MRPL4: variants seen among roughly 807,000 people sequenced by gnomAD.
MRPL4 encodes mitochondrial ribosomal protein L4, also known as large ribosomal subunit protein uL4m.
Under a neutral mutation model 34.1 loss-of-function variants are expected in MRPL4, and 34 were observed. The observed-to-expected ratio is 1.00, with a 90% CI of 0.76 to 1.33. The LOEUF (loss-of-function observed/expected upper bound fraction) is 1.33. MRPL4 is among the 40% of genes most tolerant of loss of function. MRPL4 has a pLI of 0.00. For synonymous variants in MRPL4, 196 were observed against 188.3 expected, an observed-to-expected ratio of 1.04 and a Z score of -0.33; for missense variants, 402 against 434.6, an observed-to-expected ratio of 0.92 and a Z score of 0.67.
chr19:10,259,356 G>C lies in MRPL4; in HGVS notation c.740-261G>C, dbSNP rs1248024658. ...CCCTGGGTCTCCCCCACCAGAATGG[G>C]AGCCAGGAGTCCCAGCCAGGCACAG... On this transcript the variant is annotated intron_variant, in intron 8 of 8. Transcript: ENST00000253099. The C allele has an allele frequency of 6.5e-6, 9 of 1,384,230 alleles. No homozygotes were observed. The East Asian group carries it at 2.6e-4, about 40-fold the overall frequency. The allele number at this position is 1,384,230 out of a possible 1,614,324, so 85.7% of individuals were successfully genotyped here.
chr19:10,259,967 G>C lies in MRPL4; in HGVS notation c.*154G>C. 1 of 587,684 alleles carries C rather than the reference G, an allele frequency of 1.7e-6. No individual in the cohort carries two copies. Among genetic ancestry groups the C allele is most frequent in the Non-Finnish European group, 2.8e-6 (1 of 354,718 alleles). The allele number at this position is 587,684 out of a possible 1,614,324, so 36.4% of individuals were successfully genotyped here. On this transcript the variant is annotated 3_prime_UTR_variant, in exon 9 of 9. Transcript: ENST00000253099. Reference sequence around the variant, plus strand: ...GCGGCCATCGCCATTGGGAAGGGGCGACTCCACGGAAAGCCCAGACGGGCT... The same window carrying C: ...GCGGCCATCGCCATTGGGAAGGGGCCACTCCACGGAAAGCCCAGACGGGCT...
intron 8 of MRPL4, 174 bp downstream of exon 8, chr19:10,258,859 G>A (rs2039879076): frequency 1.3e-6 from 2 of 1,528,802 alleles, no homozygotes; most frequent in Non-Finnish European, 1.7e-6. Context: ...TGCTTGGCTG[G>A]GGATGGTGGC....
chr19:10,255,799 T>C (rs1351910007), intron 4 of MRPL4: 2 of 152,516 alleles, frequency 1.3e-5, no homozygotes, highest in African/African-American at 2.4e-5. Flanking sequence ...ATTCTCCCTG[T>C]CTGTGTCATT....
intron 3 of MRPL4, among the ~76,000 whole-genome samples, chr19:10,253,548 T>G (rs1373394249): frequency 6.6e-6 from 1 of 151,300 alleles, no homozygotes; most frequent in African/African-American, 2.4e-5. Flanking sequence ...CCCAGCACAT[T>G]GGGAGGCCGA....
chr19:10,252,226 C>T lies in MRPL4; in HGVS notation c.-28C>T, dbSNP rs771115770. 2.5e-6 allele frequency: 4 copies of T among 1,581,846 alleles called. No individual in the cohort carries two copies. Among genetic ancestry groups the T allele is most frequent in the Non-Finnish European group, 3.4e-6 (4 of 1,166,950 alleles). On this transcript the variant is annotated 5_prime_UTR_variant, in exon 1 of 9. Transcript: ENST00000253099. ...CTCGCGAGGCTCCAGTGGCCTTGAC[C>T]TCCCGCGGCGTGGGAGGCTGCGCGG...
At chr19:10,253,464 CTG>C (rs2039817960) in intron 3 of MRPL4, among the ~76,000 whole-genome samples, 1 of 91,360 alleles carries the variant, frequency 1.1e-5, no homozygotes, top group Non-Finnish European at 2.1e-5. Context: ...GGGCAACACT[CTG>C]TCTCAAAAAA....
rs1033710342 is a variant in MRPL4, at chr19:10,252,388, C to T, written c.58-9C>T. On this transcript the variant is annotated splice_polypyrimidine_tract_variant and intron_variant, in intron 1 of 8. Coordinates refer to ENST00000253099, the MANE Select transcript of MRPL4 (RefSeq NM_015956.3). Reference sequence around the variant, plus strand: ...GGGGTCGTCTCTCACTTTCGCCCAACCCTTGCAGGGCCTGAGTTCCCTGGC... The same window carrying T: ...GGGGTCGTCTCTCACTTTCGCCCAATCCTTGCAGGGCCTGAGTTCCCTGGC... 2.5e-6 allele frequency: 4 copies of T among 1,613,984 alleles called. No homozygotes were observed. The African/African-American group carries it at 5.3e-5, about 22-fold the overall frequency.
rs1342418090 is a variant in MRPL4, at chr19:10,259,919, G to A, written c.*106G>A. The A allele has an allele frequency of 1.9e-5, 20 of 1,060,570 alleles. No homozygotes were observed. The highest frequency in any genetic ancestry group is 3.1e-5 in the Admixed American group (1 of 32,122). The allele number at this position is 1,060,570 out of a possible 1,614,324, so 65.7% of individuals were successfully genotyped here. On this transcript the variant is annotated 3_prime_UTR_variant, in exon 9 of 9. Transcript: ENST00000253099. ...TGTCACCTGGACCCCTTCATTCCAC[G>A]GAGGAAGCTGAGGCCACAGGGAGCG...
At chr19:10,254,722 G>C in intron 4 of MRPL4, 82 bp downstream of exon 4, 1 of 1,509,790 alleles carries the variant, frequency 6.6e-7, no homozygotes, top group Non-Finnish European at 9.2e-7. Flanking sequence ...GCCCATCGCT[G>C]GGTTTTCTCT....
Position 10,259,700 on chromosome 19 carries a change from T to C in MRPL4, c.823T>C (p.Trp275Arg). The C allele has an allele frequency of 6.2e-7, 1 of 1,613,402 alleles. No individual in the cohort carries two copies. Among genetic ancestry groups the C allele is most frequent in the Non-Finnish European group, 8.5e-7 (1 of 1,179,860 alleles). Residue 275 changes from tryptophan to arginine, a missense_variant, in exon 9 of 9, where the codon TGG becomes CGG. Physicochemically the swap from Trp to Arg is moderately radical, Grantham distance 101. Coordinates refer to ENST00000253099, the MANE Select transcript of MRPL4 (RefSeq NM_015956.3). ...TVAFLEDKLL[W>R]QDSRYRPLYP... ...CGCCTTCCTGGAGGACAAGCTGCTC[T>C]GGCAGGACTCACGTTACAGACCCCT...
chr19:10,252,040 T>C, upstream of MRPL4: 1 of 574,628 alleles, frequency 1.7e-6, no homozygotes, highest in African/African-American at 2.0e-5. Context: ...GGAGGGTCCT[T>C]GAGGCAGGAG....
Position 10,258,344 on chromosome 19 carries a change from G to C in MRPL4, c.552+16G>C, listed in dbSNP as rs766464109. On this transcript the variant is annotated intron_variant, in intron 6 of 8. Coordinates refer to ENST00000253099, the MANE Select transcript of MRPL4 (RefSeq NM_015956.3). Reference sequence around the variant, plus strand: ...GCTGGCCCAGGTACAGCCATGGGGGGGCCCAGACAGCTGCTAGAGGTGGGG... The same window carrying C: ...GCTGGCCCAGGTACAGCCATGGGGGCGCCCAGACAGCTGCTAGAGGTGGGG... The C allele has an allele frequency of 1.4e-5, 22 of 1,613,940 alleles. No homozygotes were observed. Among genetic ancestry groups the C allele is most frequent in the South Asian group, 4.4e-5 (4 of 91,082 alleles).
intron 5 of MRPL4, among the ~76,000 whole-genome samples, chr19:10,257,629 C>T (rs1163843135): frequency 6.6e-6 from 1 of 152,132 alleles, no homozygotes. Flanking sequence ...AGGGGTCTCC[C>T]TGACTGTTGT....
chr19:10,259,262 A>C, intron 8 of MRPL4: 1 of 1,339,316 alleles, frequency 7.5e-7, no homozygotes, highest in Non-Finnish European at 9.5e-7. Context: ...ATGAAAGCCC[A>C]AGTCATCAGG....
Position 10,256,697 on chromosome 19 carries a change from T to A in MRPL4, c.328-11T>A. On this transcript the variant is annotated splice_polypyrimidine_tract_variant and intron_variant, in intron 4 of 8. Transcript: ENST00000253099. ...TCGTGGACCTGACCCCCCTCCTCTT[T>A]GTGCCTCCAGAGCTATGCCAAGACC... 1.2e-6 allele frequency: 2 copies of A among 1,610,540 alleles called. No homozygotes were observed. The highest frequency in any genetic ancestry group is 1.7e-6 in the Non-Finnish European group (2 of 1,178,174).
Position 10,259,947 on chromosome 19 carries a change from C to G in MRPL4, c.*134C>G. On this transcript the variant is annotated 3_prime_UTR_variant, in exon 9 of 9. Coordinates refer to ENST00000253099, the MANE Select transcript of MRPL4 (RefSeq NM_015956.3). ...GGAAGCTGAGGCCACAGGGAGCGGC[C>G]ATCGCCATTGGGAAGGGGCGACTCC... The G allele has an allele frequency of 1.3e-6, 1 of 767,802 alleles. No homozygotes were observed. The highest frequency in any genetic ancestry group is 2.0e-6 in the Non-Finnish European group (1 of 509,176). 47.6% of individuals were successfully genotyped at this position (767,802 alleles called of 1,614,324 possible). A position where few individuals can be genotyped will look rare whatever the true frequency, so the allele number is the denominator to read the frequency against.
At chr19:10,253,295 T>G (rs2039814716) in intron 3 of MRPL4, among the ~76,000 whole-genome samples, 1 of 149,818 alleles carries the variant, frequency 6.7e-6, no homozygotes, top group Non-Finnish European at 1.5e-5. Flanking sequence ...GCTAACATGG[T>G]GAAACCCCGT....
At chr19:10,253,067 T>C (rs1351119523) in intron 3 of MRPL4, 3 of 216,362 alleles carry the variant, frequency 1.4e-5, no homozygotes, top group African/African-American at 6.9e-5. Context: ...ATGTTGATAA[T>C]CTTTGTTAAC....
rs752977710 is a variant in MRPL4, at chr19:10,252,316, G to C, written c.57+6G>C. 2 of 1,612,072 alleles carry C rather than the reference G, an allele frequency of 1.2e-6. No homozygotes were observed. The highest frequency in any genetic ancestry group is 1.7e-6 in the Non-Finnish European group (2 of 1,178,682). On this transcript the variant is annotated splice_donor_region_variant and intron_variant, in intron 1 of 8. Transcript: ENST00000253099. ...TTCGGCCTACCGGCAGCCAGGTGAG[G>C]CCAGGGGCTGGAGGCGTGGTCGAAG...
Sources: allele counts gnomAD v4.1 joint callset (sites outside exome capture counted in the v4.1 genomes callset), GRCh38; gene constraint gnomAD v4.1.1; transcripts MANE v1.5; gene names NCBI Gene and HGNC (gene_info 2026-07-23, HGNC 2026-07-21).